Variants in CA10 observed in about 807,000 individuals in gnomAD.
CA10 encodes carbonic anhydrase 10 (inactive), also known as carbonic anhydrase-related protein 10.
Under a neutral mutation model 44.2 loss-of-function variants are expected in CA10, and 14 were observed. The observed-to-expected ratio is 0.32, with a 90% CI of 0.21 to 0.50. The LOEUF is 0.50. CA10 is among the 20% of genes least tolerant of loss of function. The pLI is 0.99. For missense variants in CA10, 350 were observed against 409.7 expected (o/e 0.85, Z 1.26); for synonymous variants, 159 against 141.6 (o/e 1.12, Z -0.87).
At chr17:51,919,217 T>C (rs1982127143) in intron 3 of CA10, among the ~76,000 whole-genome samples, 1 of 152,202 alleles carries the variant, frequency 6.6e-6, no homozygotes, top group Non-Finnish European at 1.5e-5. Flanking sequence ...TTATAGGCAA[T>C]AATATCCCTT....
intron 2 of CA10, among the ~76,000 whole-genome samples, chr17:51,979,593 T>C (rs1490996280): frequency 2.0e-5 from 3 of 152,184 alleles, no homozygotes; most frequent in African/African-American, 7.2e-5. Flanking sequence ...TGGTTTTCTA[T>C]TCCTGCATTT....
chr17:51,929,382 G>A (rs182657648), intron 3 of CA10, among the ~76,000 whole-genome samples: 66 of 152,178 alleles, frequency 4.3e-4, no homozygotes, highest in African/African-American at 1.5e-3. Context: ...ACTCGTAGGC[G>A]AAGGATTCAG....
intron 1 of CA10, among the ~76,000 whole-genome samples, chr17:52,153,966 G>A (rs1399733364): frequency 2.0e-5 from 3 of 152,144 alleles, no homozygotes; most frequent in Non-Finnish European, 1.5e-5. Flanking sequence ...AAACAGTGTA[G>A]GAAATATTCC....
chr17:51,848,720 G>T (rs535654384), intron 3 of CA10, among the ~76,000 whole-genome samples: 1 of 152,138 alleles, frequency 6.6e-6, no homozygotes, highest in Non-Finnish European at 1.5e-5. Context: ...TATAGTGGCC[G>T]GAGGCAGTCG....
chr17:51,724,515 CTG>C (rs1287332101), intron 4 of CA10, among the ~76,000 whole-genome samples: 11 of 152,228 alleles, frequency 7.2e-5, no homozygotes, highest in Admixed American at 7.2e-4. Context: ...ATTCCTCACT[CTG>C]TCTTTGCTTA....
intron 1 of CA10, among the ~76,000 whole-genome samples, chr17:52,140,173 G>A (rs2143380051): frequency 6.6e-6 from 1 of 152,240 alleles, no homozygotes; most frequent in East Asian, 1.9e-4. Flanking sequence ...GTGGTTATAG[G>A]ACTGTCTTTT....
chr17:52,019,778 G>T (rs1293697230), intron 2 of CA10, among the ~76,000 whole-genome samples: 1 of 151,916 alleles, frequency 6.6e-6, no homozygotes, highest in Non-Finnish European at 1.5e-5. Context: ...CAATGTAATT[G>T]CTTCTTTGAT....
intron 1 of CA10, among the ~76,000 whole-genome samples, chr17:52,096,295 G>T (rs75873665): frequency 0.059 from 9,050 of 152,134 alleles, 910 homozygotes; most frequent in African/African-American, 0.21. Flanking sequence ...TCTCACTAAT[G>T]AACACACACC....
chr17:51,668,963 C>T (rs909564543), intron 4 of CA10, among the ~76,000 whole-genome samples: 11 of 152,346 alleles, frequency 7.2e-5, no homozygotes, highest in African/African-American at 2.6e-4. Flanking sequence ...TGCTGGCCTG[C>T]CTGCACCAAG....
chr17:51,973,028 A>G (rs1984337090), intron 2 of CA10, among the ~76,000 whole-genome samples: 1 of 152,224 alleles, frequency 6.6e-6, no homozygotes, highest in African/African-American at 2.4e-5. Context: ...ATGAGGCAGC[A>G]TTCTACAGGG....
At chr17:51,798,944 T>C (rs1331749261) in intron 3 of CA10, among the ~76,000 whole-genome samples, 2 of 152,336 alleles carry the variant, frequency 1.3e-5, no homozygotes, top group South Asian at 4.1e-4. Flanking sequence ...GGGTACAGGA[T>C]ACATTGCAGT....
At chr17:52,141,987 T>C (rs1989490708) in intron 1 of CA10, among the ~76,000 whole-genome samples, 1 of 152,132 alleles carries the variant, frequency 6.6e-6, no homozygotes, top group Admixed American at 6.5e-5. Context: ...TGGGGCATTA[T>C]GGGGAGATAC....
intron 3 of CA10, among the ~76,000 whole-genome samples, chr17:51,913,423 T>C (rs1054365171): frequency 1.3e-5 from 2 of 152,120 alleles, no homozygotes; most frequent in African/African-American, 4.8e-5. Context: ...TCAAATGGTA[T>C]CCTAGCAAGT....
chr17:51,914,040 AACAGAG>A (rs1163424802), intron 3 of CA10, among the ~76,000 whole-genome samples: 1 of 152,156 alleles, frequency 6.6e-6, no homozygotes, highest in African/African-American at 2.4e-5. Context: ...GCCTAGGAGA[AACAGAG>A]ACAGGCCATT....
At chr17:52,084,356 C>G (rs1988062148) in intron 1 of CA10, among the ~76,000 whole-genome samples, 1 of 152,148 alleles carries the variant, frequency 6.6e-6, no homozygotes, top group African/African-American at 2.4e-5. Context: ...CATTCTGATT[C>G]TGATCCACAC....
intron 3 of CA10, among the ~76,000 whole-genome samples, chr17:51,858,725 T>C (rs1979164799): frequency 6.6e-6 from 1 of 152,226 alleles, no homozygotes; most frequent in South Asian, 2.1e-4. Flanking sequence ...TTGTAAATTG[T>C]TATGGCTAGC....
At chr17:51,719,201 C>T (rs1234254563) in intron 4 of CA10, among the ~76,000 whole-genome samples, 2 of 152,202 alleles carry the variant, frequency 1.3e-5, no homozygotes, top group Non-Finnish European at 2.9e-5. Context: ...AGAACCCCCA[C>T]ATAAATGATG....
At chr17:51,753,500 T>A (rs1475236609) in intron 3 of CA10, among the ~76,000 whole-genome samples, 1 of 152,240 alleles carries the variant, frequency 6.6e-6, no homozygotes, top group Non-Finnish European at 1.5e-5. Flanking sequence ...TTTCATTCTT[T>A]GAAATTCAGC....
At chr17:51,639,459 G>T (rs1912984978) in intron 6 of CA10, among the ~76,000 whole-genome samples, 1 of 152,036 alleles carries the variant, frequency 6.6e-6, no homozygotes, top group South Asian at 2.1e-4. Context: ...TATAGTGTAG[G>T]CTAGGAGCAA....
Sources: gnomAD v4.1 joint callset for allele counts (sites outside exome capture counted in the v4.1 genomes callset) on GRCh38, gnomAD v4.1.1 for gene constraint, MANE v1.5 for transcripts, NCBI Gene and HGNC (gene_info 2026-07-23, HGNC 2026-07-21) for gene names.